Variants in MS4A1 observed in about 807,000 individuals in gnomAD.
MS4A1 encodes B-lymphocyte antigen CD20.
MS4A1 carries 16 observed loss-of-function variants against 26.5 expected under a neutral mutation model. That is an observed-to-expected ratio of 0.60 (90% CI 0.41 to 0.92). The LOEUF (loss-of-function observed/expected upper bound fraction) is 0.92, where lower values mean the gene tolerates loss of function less well. Among genes scored for constraint, MS4A1 ranks in the 40% least tolerant of loss-of-function variants. The probability of loss-of-function intolerance (pLI) is 0.00; values close to 1 mark genes in which losing one functional copy is unlikely to be tolerated. For synonymous variants in MS4A1, 128 were observed against 117.6 expected (o/e 1.09, Z -0.57); for missense variants, 350 against 353.0 (o/e 0.99, Z 0.07).
At chr11:60,466,580 A>G (rs1565195313) in intron 6 of MS4A1, 2 of 323,328 alleles carry the variant, frequency 6.2e-6, no homozygotes, top group South Asian at 3.5e-5. Flanking sequence ...AGTTTGAAAG[A>G]GATAAAAAAA....
chr11:60,461,049 AC>A (rs1368843048), intron 1 of MS4A1, 22 bp from the exon 2 acceptor site: 2 of 151,872 alleles, frequency 1.3e-5, no homozygotes, highest in Non-Finnish European at 2.9e-5. Context: ...TTAAGAAGTA[AC>A]TAAATCCAAA....
intron 7 of MS4A1, 66 bp downstream of exon 7, chr11:60,467,126 T>G: frequency 7.6e-7 from 1 of 1,317,604 alleles, no homozygotes; most frequent in Non-Finnish European, 1.1e-6. Context: ...GGATCATTTA[T>G]GGAGAATGTA....
intron 7 of MS4A1, among the ~76,000 whole-genome samples, chr11:60,467,340 C>T (rs530199357): frequency 4.7e-5 from 7 of 148,994 alleles, no homozygotes; most frequent in African/African-American, 7.5e-5. Flanking sequence ...TGCAATGGCG[C>T]GATCTTGGCC....
chr11:60,468,600 G>A lies in MS4A1; in HGVS notation c.*132G>A, dbSNP rs201591426. 1.3e-6 allele frequency: 1 copy of A among 794,548 alleles called. No homozygotes were observed. Among genetic ancestry groups the A allele is most frequent in the Non-Finnish European group, 2.2e-6 (1 of 464,348 alleles). The allele number at this position is 794,548 out of a possible 1,614,324, so 49.2% of individuals were successfully genotyped here. On this transcript the variant is annotated 3_prime_UTR_variant, in exon 8 of 8. Transcript: ENST00000345732. Reference sequence around the variant, plus strand: ...TCTCTATCTGGCCTTTGCATGGAGTGACCATAGCTCCTTCTCTCTTACATT... The same window carrying A: ...TCTCTATCTGGCCTTTGCATGGAGTAACCATAGCTCCTTCTCTCTTACATT...
chr11:60,459,785 C>A (rs1056812374), intron 1 of MS4A1, among the ~76,000 whole-genome samples: 6 of 152,066 alleles, frequency 3.9e-5, no homozygotes, highest in Admixed American at 6.5e-5. Context: ...CTAGCCCATG[C>A]GCCAGACAGA....
At chr11:60,463,770 T>A (rs1024246043) in intron 4 of MS4A1, 9 of 455,318 alleles carry the variant, frequency 2.0e-5, no homozygotes, top group Non-Finnish European at 3.5e-5. Context: ...AGCCTGAATG[T>A]GAGAAAAGGA....
At chr11:60,466,449 C>T (rs2086292428) in intron 6 of MS4A1, 1 of 428,822 alleles carries the variant, frequency 2.3e-6, no homozygotes, top group Non-Finnish European at 4.2e-6. Context: ...TTGGCTTTAA[C>T]ATTAATTATT....
At position 60,463,249 on chromosome 11, in the gene MS4A1, G is replaced by T. The variant is rs10792278; in HGVS notation, c.279+128G>T. ...GAGTAGGAAATATTATTGGGTTAAA[G>T]TAATTAAGAAGACAGGTTGACCAAA... is the stretch of plus-strand genomic sequence containing the variant. On this transcript the variant is annotated intron_variant, in intron 4 of 7. Coordinates refer to ENST00000345732, the MANE Select transcript of MS4A1 (RefSeq NM_152866.3). 0.4 allele frequency: 550,198 copies of T among 1,366,432 alleles called. 111,790 individuals carry two copies. Among genetic ancestry groups the T allele is most frequent in the Non-Finnish European group, 0.41 (401,179 of 978,234 alleles). 84.6% of individuals were successfully genotyped at this position (1,366,432 alleles called of 1,614,324 possible).
chr11:60,456,258 C>T (rs1169032938), intron 1 of MS4A1, among the ~76,000 whole-genome samples: 1 of 152,184 alleles, frequency 6.6e-6, no homozygotes, highest in Non-Finnish European at 1.5e-5. Flanking sequence ...CTACCACTAA[C>T]AAACAATATA....
intron 6 of MS4A1, 86 bp from the exon 7 acceptor site, chr11:60,466,873 T>C (rs1242217001): frequency 1.2e-5 from 16 of 1,283,078 alleles, no homozygotes; most frequent in Non-Finnish European, 1.6e-5. Flanking sequence ...ATCGTTCAAT[T>C]ATAGTCAACA....
At chr11:60,456,787 G>A (rs1274170351) in intron 1 of MS4A1, among the ~76,000 whole-genome samples, 1 of 152,128 alleles carries the variant, frequency 6.6e-6, no homozygotes, top group Non-Finnish European at 1.5e-5. Context: ...TTGTGTGTGT[G>A]TTTTGTTTGT....
At chr11:60,462,591 T>C (rs1261910810) in intron 3 of MS4A1, 58 bp downstream of exon 3, 17 of 1,600,418 alleles carry the variant, frequency 1.1e-5, no homozygotes, top group Middle Eastern at 1.7e-4. Flanking sequence ...CAGAAGCTGA[T>C]GCGGTATAGG....
intron 3 of MS4A1, 58 bp from the exon 4 acceptor site, chr11:60,462,944 T>C: frequency 6.2e-7 from 1 of 1,608,336 alleles, no homozygotes; most frequent in African/African-American, 1.3e-5. Flanking sequence ...AACCTTGTCT[T>C]TGCCTGCTAG....
At chr11:60,462,888 T>A (rs1478051817) in intron 3 of MS4A1, 114 bp from the exon 4 acceptor site, 25 of 1,507,816 alleles carry the variant, frequency 1.7e-5, no homozygotes, top group African/African-American at 4.1e-5. Flanking sequence ...CTCCACTGCT[T>A]CCTTTAGGCA....
At chr11:60,458,822 C>G (rs1026283801) in intron 1 of MS4A1, among the ~76,000 whole-genome samples, 2 of 150,504 alleles carry the variant, frequency 1.3e-5, no homozygotes, top group Admixed American at 6.7e-5. Flanking sequence ...TATATATAAT[C>G]AGATATATAT....
intron 3 of MS4A1, 130 bp downstream of exon 3, chr11:60,462,663 C>G (rs552179068): frequency 7.9e-7 from 1 of 1,258,176 alleles, no homozygotes; most frequent in Admixed American, 1.9e-5. Flanking sequence ...TTCTTTATGT[C>G]TAACACAGTG....
At chr11:60,458,486 T>G (rs1422985505) in intron 1 of MS4A1, among the ~76,000 whole-genome samples, 2 of 152,222 alleles carry the variant, frequency 1.3e-5, no homozygotes, top group African/African-American at 2.4e-5. Flanking sequence ...AATGCGGTAC[T>G]GAGTGATCAC....
chr11:60,465,408 G>T (rs932813584), intron 5 of MS4A1, among the ~76,000 whole-genome samples: 34 of 152,246 alleles, frequency 2.2e-4, no homozygotes, highest in African/African-American at 7.9e-4. Context: ...TGTTGCTTCT[G>T]CTTTTTTTAT....
intron 1 of MS4A1, among the ~76,000 whole-genome samples, chr11:60,456,997 A>G (rs1348665270): frequency 1.3e-5 from 2 of 152,178 alleles, no homozygotes; most frequent in African/African-American, 4.8e-5. Flanking sequence ...AATGTAACTG[A>G]GCTCATAGTA....
Sources: gnomAD v4.1 joint callset for allele counts (sites outside exome capture counted in the v4.1 genomes callset) on GRCh38, gnomAD v4.1.1 for gene constraint, MANE v1.5 for transcripts, NCBI Gene and HGNC (gene_info 2026-07-23, HGNC 2026-07-21) for gene names.